The following PAX3 variants were observed in gnomAD, a reference collection of about 807,000 sequenced individuals.
PAX3 encodes the protein paired box 3.
A neutral mutation model predicts 51.6 loss-of-function variants in PAX3; 14 were observed. The observed-to-expected ratio is 0.27, with a 90% CI of 0.18 to 0.42. The LOEUF (loss-of-function observed/expected upper bound fraction) is 0.42. Among genes scored for constraint, PAX3 ranks in the 10% least tolerant of loss-of-function variants. PAX3 has a pLI of 1.00. For missense variants in PAX3, 540 were observed against 642.8 expected, an observed-to-expected ratio of 0.84 and a Z score of 1.73; for synonymous variants, 280 against 253.4, an observed-to-expected ratio of 1.11 and a Z score of -1.00.
chr2:222,204,403 C>T (rs1379287273), intron 7 of PAX3, among the ~76,000 whole-genome samples: 1 of 152,084 alleles, frequency 6.6e-6, no homozygotes, highest in East Asian at 1.9e-4. Context: ...TAGATGATTT[C>T]TATATAAGTG....
intron 4 of PAX3, among the ~76,000 whole-genome samples, chr2:222,244,024 C>A (rs1287895152): frequency 2.6e-5 from 4 of 152,082 alleles, no homozygotes; most frequent in African/African-American, 9.7e-5. Context: ...AGTGTGATTC[C>A]TCCCCTTCAT....
chr2:222,265,229 T>C (rs1451995602), intron 4 of PAX3: 1 of 152,228 alleles, frequency 6.6e-6, no homozygotes. Context: ...GCTGTACATG[T>C]CTCATAAAAG....
chr2:222,269,205 T>C (rs1158088569), intron 4 of PAX3, among the ~76,000 whole-genome samples: 1 of 152,190 alleles, frequency 6.6e-6, no homozygotes, highest in Non-Finnish European at 1.5e-5. Context: ...CTTTAGCCCC[T>C]TTTTTCTCTT....
At chr2:222,237,957 C>T (rs2106105343) in intron 4 of PAX3, among the ~76,000 whole-genome samples, 1 of 152,296 alleles carries the variant, frequency 6.6e-6, no homozygotes, top group South Asian at 2.1e-4. Flanking sequence ...CTGAAAGCAT[C>T]ACCTCTCACC....
intron 4 of PAX3, chr2:222,263,180 G>C (rs1693929110): frequency 6.6e-6 from 1 of 152,140 alleles, no homozygotes; most frequent in Admixed American, 6.5e-5. Context: ...AGGCAATGTA[G>C]AGATTGAGAG....
intron 7 of PAX3, among the ~76,000 whole-genome samples, chr2:222,203,382 C>T (rs569561237): frequency 2.0e-5 from 3 of 151,934 alleles, no homozygotes; most frequent in Admixed American, 6.6e-5. Context: ...AGAGCCCCCC[C>T]GAAGACACAT....
At chr2:222,274,326 A>G (rs528638210) in intron 4 of PAX3, among the ~76,000 whole-genome samples, 1 of 151,992 alleles carries the variant, frequency 6.6e-6, no homozygotes, top group African/African-American at 2.4e-5. Flanking sequence ...TCCCTTAAGG[A>G]GTATAAATTT....
chr2:222,239,277 G>T (rs147220316), intron 4 of PAX3, among the ~76,000 whole-genome samples: 7 of 152,000 alleles, frequency 4.6e-5, no homozygotes, highest in Admixed American at 3.3e-4. Context: ...CTGGCAGGGC[G>T]CAGGAGACAC....
chr2:222,270,435 G>A (rs45500994), intron 4 of PAX3, among the ~76,000 whole-genome samples: 1,798 of 152,294 alleles, frequency 0.012, 15 homozygotes, highest in Middle Eastern at 0.048. Context: ...GTCTCCAAAA[G>A]TGAGTTGCCA....
At chr2:222,230,567 T>TA (rs962855997) in intron 5 of PAX3, among the ~76,000 whole-genome samples, 3 of 151,842 alleles carry the variant, frequency 2.0e-5, no homozygotes, top group East Asian at 1.9e-4. Flanking sequence ...TATAATTTTT[T>TA]AAAAAAAGGT....
intron 4 of PAX3, among the ~76,000 whole-genome samples, chr2:222,283,706 T>G (rs930636957): frequency 1.3e-5 from 2 of 152,224 alleles, no homozygotes; most frequent in Non-Finnish European, 2.9e-5. Flanking sequence ...CAGCGAATTT[T>G]TATCAGTTCA....
chr2:222,293,621 A>G, intron 4 of PAX3: 1 of 1,612,920 alleles, frequency 6.2e-7, no homozygotes, highest in Admixed American at 1.7e-5. Context: ...TCAACTTCAA[A>G]CAAATCAAAC....
At position 222,292,265 on chromosome 2, in the gene PAX3, T is replaced by C. The variant is rs147028746; in HGVS notation, c.586+1902A>G. On this transcript the variant is annotated intron_variant, in intron 4 of 8. Transcript: ENST00000392070. ...GTCTATTCTCAGCCTTTTGTGGTGC[T>C]GTTTTCTCTTCTTTTCTCCTTGAAT... Among the ~76,000 whole-genome samples the C allele has an allele frequency of 1.4e-4, 22 of 152,298 alleles. No individual in the cohort carries two copies. In the East Asian group the frequency reaches 3.9e-3, roughly 27 times the overall value.
At chr2:222,282,400 A>G (rs1311330252) in intron 4 of PAX3, among the ~76,000 whole-genome samples, 1 of 152,246 alleles carries the variant, frequency 6.6e-6, no homozygotes, top group East Asian at 1.9e-4. Flanking sequence ...AAAAACATAA[A>G]AAGTCTTTTG....
At chr2:222,291,107 A>G (rs1329450944) in intron 4 of PAX3, among the ~76,000 whole-genome samples, 1 of 152,118 alleles carries the variant, frequency 6.6e-6, no homozygotes, top group Admixed American at 6.5e-5. Flanking sequence ...GTGGGGGCCC[A>G]GCCCATTGTG....
chr2:222,287,419 C>G (rs1202854932), intron 4 of PAX3: 2 of 152,100 alleles, frequency 1.3e-5, no homozygotes, highest in Non-Finnish European at 2.9e-5. Flanking sequence ...TTCACAATTC[C>G]CCAACTAAAG....
At chr2:222,265,887 A>G (rs181895186) in intron 4 of PAX3, among the ~76,000 whole-genome samples, 29 of 152,340 alleles carry the variant, frequency 1.9e-4, no homozygotes, top group Admixed American at 1.8e-3. Context: ...CTCTTAATCA[A>G]CCAGTCAGCA....
chr2:222,256,695 C>A (rs1693659428), intron 4 of PAX3, among the ~76,000 whole-genome samples: 1 of 152,182 alleles, frequency 6.6e-6, no homozygotes, highest in South Asian at 2.1e-4. Context: ...TTTTCTCTTC[C>A]TAAACATCAT....
At chr2:222,298,496 T>C (rs748220969) in intron 1 of PAX3, 35 bp downstream of exon 1, 38 of 1,551,466 alleles carry the variant, frequency 2.4e-5, no homozygotes, top group South Asian at 8.2e-5. Context: ...TCCCAGGCCC[T>C]GGGATCCAGG....
Sources: gnomAD v4.1 joint callset for allele counts (sites outside exome capture counted in the v4.1 genomes callset) on GRCh38, gnomAD v4.1.1 for gene constraint, MANE v1.5 for transcripts, NCBI Gene and HGNC (gene_info 2026-07-23, HGNC 2026-07-21) for gene names.